The following RTN3 variants were observed in gnomAD, a reference collection of about 807,000 sequenced individuals.
RTN3 encodes reticulon-3.
In RTN3, 49 loss-of-function variants were observed where a neutral mutation model predicts 77.8. The ratio of observed to expected loss-of-function variants is 0.63; its 90% CI spans 0.50 to 0.80. The LOEUF (loss-of-function observed/expected upper bound fraction) is 0.80. Ranked by LOEUF, RTN3 falls within the 30% of genes least tolerant of loss-of-function variation. The pLI is 0.00. For missense variants in RTN3, 1,236 were observed against 1,211.9 expected, an observed-to-expected ratio of 1.02 and a Z score of -0.29; for synonymous variants, 464 against 446.9, an observed-to-expected ratio of 1.04 and a Z score of -0.48.
intron 1 of RTN3, among the ~76,000 whole-genome samples, chr11:63,687,333 T>G (rs1266554986): frequency 6.6e-6 from 1 of 152,162 alleles, no homozygotes; most frequent in African/African-American, 2.4e-5. Flanking sequence ...TAAACACAAT[T>G]TGGCTGGGCA....
At chr11:63,708,076 A>C (rs1449964314) in intron 2 of RTN3, among the ~76,000 whole-genome samples, 4 of 152,136 alleles carry the variant, frequency 2.6e-5, no homozygotes, top group Non-Finnish European at 5.9e-5. Context: ...TGCCTTAGTA[A>C]AAATAAGGGA....
At chr11:63,733,265 A>G (rs1022794155) in intron 3 of RTN3, among the ~76,000 whole-genome samples, 2 of 152,092 alleles carry the variant, frequency 1.3e-5, no homozygotes, top group Admixed American at 6.5e-5. Flanking sequence ...CGAGGCAGGC[A>G]CATCATGAGG....
chr11:63,745,345 G>A (rs1480759112), intron 3 of RTN3, among the ~76,000 whole-genome samples: 1 of 152,170 alleles, frequency 6.6e-6, no homozygotes, highest in East Asian at 1.9e-4. Context: ...TAAGCATTCG[G>A]TAACAACTGT....
Position 63,692,388 on chromosome 11 carries a change from A to G in RTN3, c.142+10610A>G, listed in dbSNP as rs189745857. Among the ~76,000 whole-genome samples the G allele has an allele frequency of 1.2e-3, 176 of 152,204 alleles. 1 individual carries two copies. Among genetic ancestry groups the G allele is most frequent in the African/African-American group, 4.2e-3 (173 of 41,526 alleles). ...GTTTTATTTGCTGTTCACTCTGCCT[A>G]GAATGCTCTTCTCTCATTGCAGTAG... On this transcript the variant is annotated intron_variant, in intron 1 of 8. Coordinates refer to ENST00000377819, the MANE Select transcript of RTN3 (RefSeq NM_001265589.2).
At chr11:63,730,680 T>G (rs535607228) in intron 3 of RTN3, among the ~76,000 whole-genome samples, 2 of 152,134 alleles carry the variant, frequency 1.3e-5, no homozygotes, top group South Asian at 4.2e-4. Flanking sequence ...AATTAACTGG[T>G]TTGGTGGCAT....
chr11:63,701,008 T>A (rs1381334930), intron 1 of RTN3, among the ~76,000 whole-genome samples: 1 of 150,382 alleles, frequency 6.6e-6, no homozygotes, highest in African/African-American at 2.4e-5. Context: ...GAGAATCGCA[T>A]GAACCCAGGA....
At chr11:63,703,901 C>CTG (rs1325461204) in intron 1 of RTN3, among the ~76,000 whole-genome samples, 4 of 151,922 alleles carry the variant, frequency 2.6e-5, no homozygotes, top group African/African-American at 9.7e-5. Flanking sequence ...AGAAGTGTAA[C>CTG]TGTAGAGTTA....
chr11:63,692,401 C>G (rs1353570494), intron 1 of RTN3, among the ~76,000 whole-genome samples: 1 of 152,070 alleles, frequency 6.6e-6, no homozygotes, highest in African/African-American at 2.4e-5. Context: ...ATGCTCTTCT[C>G]TCATTGCAGT....
At chr11:63,758,063 A>G (rs1021363088) in intron 8 of RTN3, 93 bp from the exon 9 acceptor site, 10 of 888,654 alleles carry the variant, frequency 1.1e-5, no homozygotes, top group Admixed American at 2.5e-5. Context: ...ATGCAAGTCC[A>G]GGACTGTCCT....
At chr11:63,685,830 T>A (rs1269037694) in intron 1 of RTN3, among the ~76,000 whole-genome samples, 1 of 152,192 alleles carries the variant, frequency 6.6e-6, no homozygotes, top group Non-Finnish European at 1.5e-5. Context: ...AACAATTTTG[T>A]CTTGACTGAC....
At chr11:63,727,125 G>A (rs1442171503) in intron 3 of RTN3, among the ~76,000 whole-genome samples, 1 of 152,174 alleles carries the variant, frequency 6.6e-6, no homozygotes, top group African/African-American at 2.4e-5. Context: ...ACTCCAGCCT[G>A]GGTGACAGAG....
intron 5 of RTN3, among the ~76,000 whole-genome samples, 164 bp from the exon 6 acceptor site, chr11:63,752,905 A>G (rs1189129112): frequency 6.6e-6 from 1 of 152,154 alleles, no homozygotes; most frequent in African/African-American, 2.4e-5. Context: ...TCACTCACAT[A>G]CCTTCAAATG....
chr11:63,682,172 G>A (rs959473895), intron 1 of RTN3, among the ~76,000 whole-genome samples: 6 of 152,174 alleles, frequency 3.9e-5, no homozygotes, highest in Admixed American at 1.3e-4. Flanking sequence ...GAAACAATTT[G>A]TTACTATTTT....
chr11:63,707,726 C>T (rs372043670), intron 2 of RTN3, among the ~76,000 whole-genome samples: 3 of 151,868 alleles, frequency 2.0e-5, no homozygotes, highest in Non-Finnish European at 4.4e-5. Context: ...CCCAGCTACT[C>T]GGGAGGCTGA....
At chr11:63,752,189 C>T (rs1192603666) in intron 4 of RTN3, among the ~76,000 whole-genome samples, 1 of 148,800 alleles carries the variant, frequency 6.7e-6, no homozygotes, top group Middle Eastern at 3.2e-3. Context: ...AAAAAAAGTA[C>T]CTTGTTTTTA....
At chr11:63,716,691 C>T (rs1281612338) in intron 2 of RTN3, among the ~76,000 whole-genome samples, 3 of 152,132 alleles carry the variant, frequency 2.0e-5, no homozygotes, top group Non-Finnish European at 4.4e-5. Context: ...TCAGGCCAGG[C>T]GCGGTGGCTC....
chr11:63,714,933 T>TTA (rs2011307752), intron 2 of RTN3, among the ~76,000 whole-genome samples: 1 of 152,168 alleles, frequency 6.6e-6, no homozygotes, highest in Non-Finnish European at 1.5e-5. Flanking sequence ...ACACCTAACT[T>TTA]GAAACTTTTG....
At chr11:63,754,398 A>G (rs1185696741) in intron 7 of RTN3, among the ~76,000 whole-genome samples, 5 of 152,060 alleles carry the variant, frequency 3.3e-5, no homozygotes, top group African/African-American at 4.8e-5. Flanking sequence ...TACTAAAAAT[A>G]TAAAAATTAG....
chr11:63,707,609 G>A (rs529536318), intron 2 of RTN3, among the ~76,000 whole-genome samples: 8 of 152,162 alleles, frequency 5.3e-5, no homozygotes, highest in East Asian at 1.9e-4. Context: ...TGAGGCAGGC[G>A]GATCACCTGA....
Sources: gnomAD v4.1 joint callset for allele counts (sites outside exome capture counted in the v4.1 genomes callset) on GRCh38, gnomAD v4.1.1 for gene constraint, MANE v1.5 for transcripts, NCBI Gene and HGNC (gene_info 2026-07-23, HGNC 2026-07-21) for gene names.